Variants in KCNQ5 observed in about 807,000 individuals in gnomAD.
KCNQ5 encodes the protein potassium voltage-gated channel subfamily Q member 5, also known as potassium voltage-gated channel subfamily KQT member 5.
In KCNQ5, 30 loss-of-function variants were observed where a neutral mutation model predicts 98.2. That is an observed-to-expected ratio of 0.31 (90% CI 0.23 to 0.41). The LOEUF (loss-of-function observed/expected upper bound fraction) is 0.41. Among genes scored for constraint, KCNQ5 ranks in the 10% least tolerant of loss-of-function variants. The pLI, the probability that KCNQ5 is intolerant of heterozygous loss-of-function variation, is 1.00. For missense variants in KCNQ5, 835 were observed against 1,182.5 expected (o/e 0.71, Z 4.31); for synonymous variants, 458 against 449.4 (o/e 1.02, Z -0.24).
chr6:72,934,241 A>G (rs949227213), intron 1 of KCNQ5, among the ~76,000 whole-genome samples: 1 of 152,210 alleles, frequency 6.6e-6, no homozygotes, highest in African/African-American at 2.4e-5. Context: ...CAGAGCCAAT[A>G]GAAAGGCCCT....
At chr6:72,743,212 T>C (rs1268981300) in intron 1 of KCNQ5, among the ~76,000 whole-genome samples, 1 of 152,088 alleles carries the variant, frequency 6.6e-6, no homozygotes, top group African/African-American at 2.4e-5. Flanking sequence ...GGAACAGAAG[T>C]AGAAGTTTTA....
intron 1 of KCNQ5, among the ~76,000 whole-genome samples, chr6:72,624,960 C>T (rs1416636683): frequency 6.6e-6 from 1 of 152,168 alleles, no homozygotes; most frequent in African/African-American, 2.4e-5. Flanking sequence ...AACTAGACCC[C>T]AATAAAATAA....
intron 1 of KCNQ5, among the ~76,000 whole-genome samples, chr6:72,853,003 A>T (rs767836637): frequency 6.6e-6 from 1 of 152,104 alleles, no homozygotes; most frequent in African/African-American, 2.4e-5. Flanking sequence ...ACCATGGAAA[A>T]TGGCAAATGC....
At chr6:72,873,509 C>G (rs1778294931) in intron 1 of KCNQ5, among the ~76,000 whole-genome samples, 1 of 152,026 alleles carries the variant, frequency 6.6e-6, no homozygotes, top group Non-Finnish European at 1.5e-5. Context: ...ATCCTCCAAC[C>G]TTTTATGGAC....
intron 1 of KCNQ5, among the ~76,000 whole-genome samples, chr6:72,652,835 T>C (rs962081910): frequency 1.3e-5 from 2 of 152,052 alleles, no homozygotes; most frequent in South Asian, 2.1e-4. Context: ...CTAAGTATGA[T>C]CTTAGACAAG....
intron 5 of KCNQ5, among the ~76,000 whole-genome samples, chr6:73,093,422 G>A (rs981591337): frequency 4.0e-5 from 6 of 151,856 alleles, no homozygotes; most frequent in Non-Finnish European, 5.9e-5. Context: ...TGCTCTGATC[G>A]TGGTTATTTC....
intron 1 of KCNQ5, among the ~76,000 whole-genome samples, chr6:72,944,517 C>T (rs1766450714): frequency 6.6e-6 from 1 of 152,172 alleles, no homozygotes; most frequent in South Asian, 2.1e-4. Flanking sequence ...CACAAGTTAC[C>T]TCCTAGTGAA....
intron 2 of KCNQ5, among the ~76,000 whole-genome samples, chr6:73,034,177 G>T (rs1351719471): frequency 6.6e-6 from 1 of 152,094 alleles, no homozygotes; most frequent in Admixed American, 6.5e-5. Context: ...TCTGACTGAT[G>T]CCTTTTTTTT....
intron 1 of KCNQ5, among the ~76,000 whole-genome samples, chr6:72,906,147 G>C (rs1779690787): frequency 6.6e-6 from 1 of 152,110 alleles, no homozygotes; most frequent in Admixed American, 6.5e-5. Flanking sequence ...GGCTGCCACT[G>C]CTGAGTCATG....
At chr6:72,734,754 G>A (rs968330149) in intron 1 of KCNQ5, among the ~76,000 whole-genome samples, 1 of 151,982 alleles carries the variant, frequency 6.6e-6, no homozygotes, top group African/African-American at 2.4e-5. Flanking sequence ...AATAATTTTA[G>A]GTTCTGTCAT....
intron 1 of KCNQ5, among the ~76,000 whole-genome samples, chr6:72,730,336 A>G (rs1467382592): frequency 6.6e-6 from 1 of 151,724 alleles, no homozygotes; most frequent in Non-Finnish European, 1.5e-5. Flanking sequence ...TTTAATATGG[A>G]TTAATTTATT....
intron 1 of KCNQ5, among the ~76,000 whole-genome samples, chr6:72,834,961 C>G (rs1220199180): frequency 6.6e-6 from 1 of 152,060 alleles, no homozygotes; most frequent in Non-Finnish European, 1.5e-5. Context: ...TAAATTTGAT[C>G]ATAAATTGTA....
chr6:73,051,044 T>C (rs1167555115), intron 3 of KCNQ5, among the ~76,000 whole-genome samples: 1 of 152,260 alleles, frequency 6.6e-6, no homozygotes, highest in East Asian at 1.9e-4. Flanking sequence ...TGTACATTCA[T>C]GTGTAGGTTT....
At chr6:73,020,292 C>T (rs1770537247) in intron 2 of KCNQ5, among the ~76,000 whole-genome samples, 1 of 152,174 alleles carries the variant, frequency 6.6e-6, no homozygotes, top group Non-Finnish European at 1.5e-5. Context: ...TTCTCGTGAC[C>T]TTCTCCTTGG....
chr6:72,934,365 AATG>A (rs1436016624), intron 1 of KCNQ5, among the ~76,000 whole-genome samples: 3 of 152,112 alleles, frequency 2.0e-5, no homozygotes, highest in Admixed American at 6.5e-5. Flanking sequence ...TGGTGGTGGT[AATG>A]ATGATAATGG....
At chr6:73,190,945 G>T (rs1007302487) in intron 12 of KCNQ5, among the ~76,000 whole-genome samples, 1 of 152,176 alleles carries the variant, frequency 6.6e-6, no homozygotes, top group Non-Finnish European at 1.5e-5. Flanking sequence ...GTTAGTTCTT[G>T]CCTTATAGGG....
intron 1 of KCNQ5, among the ~76,000 whole-genome samples, chr6:72,964,107 C>T (rs546289710): frequency 4.6e-5 from 7 of 152,186 alleles, no homozygotes; most frequent in Non-Finnish European, 1.0e-4. Flanking sequence ...CATAGCAATG[C>T]TGTCTTGACC....
At chr6:73,107,649 G>A (rs1582371983) in intron 6 of KCNQ5, among the ~76,000 whole-genome samples, 1 of 152,170 alleles carries the variant, frequency 6.6e-6, no homozygotes, top group Admixed American at 6.5e-5. Context: ...AACTATCACA[G>A]GGAGGTTAAA....
chr6:72,690,348 A>G (rs563249396), intron 1 of KCNQ5, among the ~76,000 whole-genome samples: 22 of 152,214 alleles, frequency 1.4e-4, no homozygotes, highest in African/African-American at 5.1e-4. Flanking sequence ...TCATCATCAT[A>G]TTTTCAAGTT....
Sources: allele counts gnomAD v4.1 joint callset (sites outside exome capture counted in the v4.1 genomes callset), GRCh38; gene constraint gnomAD v4.1.1; transcripts MANE v1.5; gene names NCBI Gene and HGNC (gene_info 2026-07-23, HGNC 2026-07-21).